Variants in MDGA2 observed in about 807,000 individuals in gnomAD.
The protein encoded by MDGA2 is MAM domain-containing glycosylphosphatidylinositol anchor protein 2.
In MDGA2, 40 loss-of-function variants were observed where a neutral mutation model predicts 117.8. That is an observed-to-expected ratio of 0.34 (90% CI 0.26 to 0.44). The LOEUF (loss-of-function observed/expected upper bound fraction) is 0.44, where lower values mean the gene tolerates loss of function less well. Among genes scored for constraint, MDGA2 ranks in the 20% least tolerant of loss-of-function variants. MDGA2 has a pLI of 1.00. For missense variants in MDGA2, 1,123 were observed against 1,250.6 expected, an observed-to-expected ratio of 0.90 and a Z score of 1.54; for synonymous variants, 452 against 439.0, an observed-to-expected ratio of 1.03 and a Z score of -0.37.
chr14:47,602,895 T>C (rs1318076886), intron 1 of MDGA2, among the ~76,000 whole-genome samples: 1 of 152,136 alleles, frequency 6.6e-6, no homozygotes, highest in Non-Finnish European at 1.5e-5. Context: ...TCTGATTGAA[T>C]ATATCACTGG....
rs111501060 is a variant in MDGA2 at position 47,061,242 on chromosome 14, C to A, written c.1525+7G>T. On this transcript the variant is annotated splice_region_variant and intron_variant, in intron 7 of 16. Transcript: ENST00000399232. Reference sequence around the variant, plus strand: ...CATCTTTTACATCATAAATATATGCCTCTTACCTGTGCTGCTGGATATATT... The same window carrying A: ...CATCTTTTACATCATAAATATATGCATCTTACCTGTGCTGCTGGATATATT... The A allele has an allele frequency of 6.2e-6, 10 of 1,604,696 alleles. No individual in the cohort carries two copies. The African/African-American group carries it at 1.2e-4, about 19-fold the overall frequency.
chr14:47,640,185 T>C (rs551922741), intron 1 of MDGA2, among the ~76,000 whole-genome samples: 2 of 152,168 alleles, frequency 1.3e-5, no homozygotes, highest in Non-Finnish European at 1.5e-5. Context: ...TCAAGTTTAA[T>C]GCCAAATGGT....
chr14:47,213,179 TTGA>T (rs1885949105), intron 3 of MDGA2, among the ~76,000 whole-genome samples: 2 of 152,142 alleles, frequency 1.3e-5, no homozygotes, highest in African/African-American at 4.8e-5. Flanking sequence ...TTCTTCTTCT[TTGA>T]TATTTGAAAA....
At chr14:47,634,865 T>C (rs1320467111) in intron 1 of MDGA2, among the ~76,000 whole-genome samples, 1 of 152,128 alleles carries the variant, frequency 6.6e-6, no homozygotes, top group Admixed American at 6.5e-5. Context: ...GTTCACTAAC[T>C]GAATCACTTT....
intron 1 of MDGA2, among the ~76,000 whole-genome samples, chr14:47,561,141 G>GTT (rs745347174): frequency 2.7e-4 from 14 of 52,154 alleles, no homozygotes; most frequent in South Asian, 1.1e-3. Flanking sequence ...CTCTATCTTT[G>GTT]TTTTTTTTTT....
intron 1 of MDGA2, among the ~76,000 whole-genome samples, chr14:47,589,933 T>A (rs1896404211): frequency 6.6e-6 from 1 of 152,006 alleles, no homozygotes; most frequent in Non-Finnish European, 1.5e-5. Flanking sequence ...GTGTTATAAA[T>A]GCAATTGCTT....
intron 2 of MDGA2, among the ~76,000 whole-genome samples, chr14:47,286,454 C>G (rs569970696): frequency 2.4e-4 from 36 of 152,106 alleles, no homozygotes; most frequent in African/African-American, 7.9e-4. Context: ...ATTTGTAGCT[C>G]TTACATGTTA....
intron 5 of MDGA2, among the ~76,000 whole-genome samples, chr14:47,102,236 G>A (rs1008838303): frequency 6.6e-6 from 1 of 151,358 alleles, no homozygotes; most frequent in Non-Finnish European, 1.5e-5. Context: ...GTTAACAATT[G>A]TATAAACCTG....
chr14:47,153,710 A>T (rs890458081), intron 3 of MDGA2, among the ~76,000 whole-genome samples: 12 of 133,978 alleles, frequency 9.0e-5, no homozygotes, highest in East Asian at 2.5e-4. Flanking sequence ...GAAAAGAAAT[A>T]AAAAAAAAAA....
intron 2 of MDGA2, among the ~76,000 whole-genome samples, chr14:47,244,432 G>A (rs1887172017): frequency 6.6e-6 from 1 of 151,618 alleles, no homozygotes; most frequent in African/African-American, 2.4e-5. Flanking sequence ...CTTAGCTATT[G>A]GAAGGCCTAT....
intron 8 of MDGA2, among the ~76,000 whole-genome samples, chr14:46,990,488 G>A (rs560075270): frequency 7.6e-4 from 116 of 151,904 alleles, no homozygotes; most frequent in Non-Finnish European, 1.4e-3. Context: ...AATGTTCTGA[G>A]AAGTATTGCA....
At chr14:47,028,476 C>CA (rs753139793) in intron 8 of MDGA2, among the ~76,000 whole-genome samples, 6 of 151,996 alleles carry the variant, frequency 3.9e-5, no homozygotes, top group Non-Finnish European at 8.8e-5. Context: ...AATACTGAAA[C>CA]AAAACCTAGT....
At chr14:47,208,030 C>G (rs1388540317) in intron 3 of MDGA2, among the ~76,000 whole-genome samples, 2 of 151,918 alleles carry the variant, frequency 1.3e-5, no homozygotes, top group Non-Finnish European at 2.9e-5. Context: ...ACACCCTTCT[C>G]AAGAATCATT....
intron 1 of MDGA2, among the ~76,000 whole-genome samples, chr14:47,318,985 A>C (rs1303157562): frequency 6.6e-6 from 1 of 152,304 alleles, no homozygotes; most frequent in Non-Finnish European, 1.5e-5. Flanking sequence ...TTATGGTAAG[A>C]TAAGTTATGT....
intron 1 of MDGA2, among the ~76,000 whole-genome samples, chr14:47,465,593 T>C (rs1347274644): frequency 1.3e-5 from 2 of 152,144 alleles, no homozygotes; most frequent in South Asian, 4.1e-4. Context: ...TCATTATTAC[T>C]GATCATTAGA....
chr14:46,918,567 T>C (rs1883990423), intron 10 of MDGA2, among the ~76,000 whole-genome samples: 1 of 152,130 alleles, frequency 6.6e-6, no homozygotes, highest in African/African-American at 2.4e-5. Context: ...TTACCTACAG[T>C]CCTTTTTCAA....
In MDGA2 at chr14:47,000,377, T is replaced by TTTATA. The variant is rs1555342218; in HGVS notation, c.1819+34633_1819+34634insTATAA. 6.6e-3 allele frequency among the ~76,000 whole-genome samples: 664 copies of TTTATA among 99,996 alleles called. 8 individuals carry two copies. Among genetic ancestry groups the TTTATA allele is most frequent in the African/African-American group, 0.021 (642 of 30,316 alleles). The allele number at this position is 99,996 out of a possible 152,430, so 65.6% of individuals were successfully genotyped here. A position where few individuals can be genotyped will look rare whatever the true frequency, so the allele number is the denominator to read the frequency against. Reference sequence around the variant, plus strand: ...CACACATATATATGTATATATATATTTATATATATATATTTATATATAAAT... The same window carrying TTTATA: ...CACACATATATATGTATATATATATTTTATATATATATATATATTTATATATAAAT... On this transcript the variant is annotated intron_variant, in intron 8 of 16. Transcript: ENST00000399232.
rs528921060 is a variant in MDGA2 at position 47,434,531 on chromosome 14, A to G, written c.281-132981T>C. On this transcript the variant is annotated intron_variant, in intron 1 of 16. Coordinates refer to ENST00000399232, the MANE Select transcript of MDGA2 (RefSeq NM_001113498.3). ...CTATTTCTCTGAGGTCAAAGAAGGTAGAATATCATTCTCAGTGTGTATGTA... is the reference window on the plus strand; with the variant it reads ...CTATTTCTCTGAGGTCAAAGAAGGTGGAATATCATTCTCAGTGTGTATGTA... Among the ~76,000 whole-genome samples, 24 of 152,282 alleles carry G rather than the reference A, an allele frequency of 1.6e-4. No homozygotes were observed. The South Asian group carries it at 5.0e-3, about 32-fold the overall frequency.
At chr14:46,904,683 C>T (rs1883422180) in intron 10 of MDGA2, among the ~76,000 whole-genome samples, 1 of 152,210 alleles carries the variant, frequency 6.6e-6, no homozygotes, top group East Asian at 1.9e-4. Context: ...GTCTGTACTA[C>T]ACAAGCTAAT....
Sources: gnomAD v4.1 joint callset for allele counts (sites outside exome capture counted in the v4.1 genomes callset) on GRCh38, gnomAD v4.1.1 for gene constraint, MANE v1.5 for transcripts, NCBI Gene and HGNC (gene_info 2026-07-23, HGNC 2026-07-21) for gene names.